The following ANK1 variants were observed in gnomAD, a reference collection of about 807,000 sequenced individuals.
ANK1 encodes the protein ankyrin-1.
Under a neutral mutation model 210.4 loss-of-function variants are expected in ANK1, and 51 were observed. The ratio of observed to expected loss-of-function variants is 0.24; its 90% confidence interval spans 0.19 to 0.31. The LOEUF (loss-of-function observed/expected upper bound fraction) is 0.31. Among genes scored for constraint, ANK1 ranks in the 10% least tolerant of loss-of-function variants. ANK1 has a pLI of 1.00. For synonymous variants in ANK1, 967 were observed against 1,025.9 expected (o/e 0.94, Z 1.10); for missense variants, 2,051 against 2,504.4 (o/e 0.82, Z 3.86).
chr8:41,764,876 C>G (rs1206626057), intron 1 of ANK1, among the ~76,000 whole-genome samples: 4 of 152,224 alleles, frequency 2.6e-5, no homozygotes, highest in Non-Finnish European at 5.9e-5. Context: ...TTCACTCCCT[C>G]CTCAGAATAA....
chr8:41,842,606 G>A (rs1377704065), intron 1 of ANK1, among the ~76,000 whole-genome samples: 1 of 152,208 alleles, frequency 6.6e-6, no homozygotes, highest in African/African-American at 2.4e-5. Flanking sequence ...CTGTGAGATG[G>A]AGACTCTAAG....
At position 41,708,770 on chromosome 8, in the gene ANK1, A is replaced by T. The variant is rs914960232; in HGVS notation, c.1998+8T>A. 2 of 1,613,546 alleles carry T rather than the reference A, an allele frequency of 1.2e-6. No homozygotes were observed. Among genetic ancestry groups the T allele is most frequent in the Non-Finnish European group, 8.5e-7 (1 of 1,180,038 alleles). The stretch of plus-strand genomic sequence containing the variant: ...ACTCCAGGGCAGATCCGAAGACACC[A>T]TGCCTACCTTGTTCCCCAGGTTGCC... On this transcript the variant is annotated splice_region_variant and intron_variant, in intron 17 of 42. Coordinates refer to ENST00000289734, the MANE Select transcript of ANK1 (RefSeq NM_000037.4).
chr8:41,835,807 A>G (rs776124900), intron 1 of ANK1, among the ~76,000 whole-genome samples: 1 of 152,262 alleles, frequency 6.6e-6, no homozygotes, highest in Non-Finnish European at 1.5e-5. Context: ...CTCCCAGCCT[A>G]CACAATGGCC....
At chr8:41,719,502 C>T (rs1828678071) in intron 10 of ANK1, among the ~76,000 whole-genome samples, 159 bp downstream of exon 10, 1 of 152,154 alleles carries the variant, frequency 6.6e-6, no homozygotes, top group African/African-American at 2.4e-5. Context: ...GCACACCAGG[C>T]CCCCACCATC....
intron 31 of ANK1, among the ~76,000 whole-genome samples, chr8:41,691,150 C>T (rs1586124637): frequency 1.3e-5 from 2 of 152,084 alleles, no homozygotes; most frequent in Admixed American, 1.3e-4. Flanking sequence ...CACTGGAGGC[C>T]AGGAGTTTAA....
At chr8:41,780,503 C>T (rs537235042) in intron 1 of ANK1, among the ~76,000 whole-genome samples, 25 of 152,332 alleles carry the variant, frequency 1.6e-4, no homozygotes, top group African/African-American at 4.8e-4. Context: ...TCCTCCTCTG[C>T]CCACCCAGCG....
At chr8:41,781,230 C>T (rs182188423) in intron 1 of ANK1, among the ~76,000 whole-genome samples, 3 of 152,260 alleles carry the variant, frequency 2.0e-5, no homozygotes, top group African/African-American at 7.2e-5. Flanking sequence ...GTGGCCCATG[C>T]ACCCCAAAGC....
intron 37 of ANK1, among the ~76,000 whole-genome samples, chr8:41,681,405 T>C (rs367882888): frequency 3.2e-4 from 48 of 152,376 alleles, no homozygotes; most frequent in African/African-American, 1.1e-3. Context: ...TCCTCTCCTA[T>C]GTGGGAGAAG....
intron 1 of ANK1, among the ~76,000 whole-genome samples, chr8:41,839,647 C>T (rs761919288): frequency 2.0e-5 from 3 of 152,132 alleles, no homozygotes; most frequent in Non-Finnish European, 2.9e-5. Context: ...GGACTTCATC[C>T]GCTTCACCAA....
chr8:41,702,625 A>T (rs899552943), intron 20 of ANK1, among the ~76,000 whole-genome samples: 5 of 152,250 alleles, frequency 3.3e-5, no homozygotes, highest in Admixed American at 1.3e-4. Context: ...ATACTCGGAA[A>T]TCACAAATCA....
chr8:41,734,134 G>A (rs1832854646), intron 2 of ANK1, 65 bp from the exon 3 acceptor site: 7 of 1,374,702 alleles, frequency 5.1e-6, no homozygotes, highest in South Asian at 4.6e-5. Context: ...ACGTCCCAGT[G>A]GGGGCCCAGG....
chr8:41,827,716 ACT>A (rs1805653053), intron 1 of ANK1, among the ~76,000 whole-genome samples: 2 of 127,582 alleles, frequency 1.6e-5, no homozygotes, highest in Admixed American at 1.7e-4. Context: ...ACGCACACCC[ACT>A]CACACTCACA....
intron 35 of ANK1, among the ~76,000 whole-genome samples, chr8:41,686,699 C>T (rs1031859054): frequency 1.3e-5 from 2 of 152,184 alleles, no homozygotes; most frequent in African/African-American, 2.4e-5. Flanking sequence ...GCCTGGGCCA[C>T]GCCATGCCCT....
chr8:41,838,478 A>G (rs907544367), intron 1 of ANK1, among the ~76,000 whole-genome samples: 1 of 152,182 alleles, frequency 6.6e-6, no homozygotes, highest in Non-Finnish European at 1.5e-5. Flanking sequence ...TAAAGATGTA[A>G]CAATGGGCTG....
At chr8:41,659,498 T>A (rs374484488) in intron 42 of ANK1, among the ~76,000 whole-genome samples, 1 of 152,272 alleles carries the variant, frequency 6.6e-6, no homozygotes, top group East Asian at 1.9e-4. Context: ...AAATGCAGAA[T>A]CCGTGAATGA....
At chr8:41,847,214 GT>G (rs1810224303) in intron 1 of ANK1, among the ~76,000 whole-genome samples, 1 of 152,230 alleles carries the variant, frequency 6.6e-6, no homozygotes, top group Non-Finnish European at 1.5e-5. Context: ...GCTCATATCA[GT>G]CTAATGTGAA....
intron 20 of ANK1, among the ~76,000 whole-genome samples, chr8:41,703,396 GTA>G (rs1292657817): frequency 3.0e-4 from 32 of 105,994 alleles, no homozygotes; most frequent in African/African-American, 5.3e-4. Flanking sequence ...ATATATATAT[GTA>G]TATGTGTGTG....
chr8:41,674,235 A>C (rs1813432145), intron 37 of ANK1, among the ~76,000 whole-genome samples: 1 of 152,160 alleles, frequency 6.6e-6, no homozygotes. Flanking sequence ...CAACCAAAAT[A>C]AGAGAGGTCC....
intron 18 of ANK1, among the ~76,000 whole-genome samples, chr8:41,705,151 C>T (rs1288522255): frequency 6.6e-6 from 1 of 152,218 alleles, no homozygotes; most frequent in Non-Finnish European, 1.5e-5. Context: ...TGTGGTAATG[C>T]CTTCCTGAAT....
Sources: allele counts gnomAD v4.1 joint callset (sites outside exome capture counted in the v4.1 genomes callset), GRCh38; gene constraint gnomAD v4.1.1; transcripts MANE v1.5; gene names NCBI Gene and HGNC (gene_info 2026-07-23, HGNC 2026-07-21).